Variants in ZMAT4 observed in about 807,000 individuals in gnomAD.
The protein encoded by ZMAT4 is zinc finger matrin-type protein 4.
ZMAT4 carries 17 observed loss-of-function variants against 28.7 expected under a neutral mutation model. That is an observed-to-expected ratio of 0.59 (90% CI 0.41 to 0.89). ZMAT4 has a LOEUF of 0.89. Among genes scored for constraint, ZMAT4 ranks in the 40% least tolerant of loss-of-function variants. The pLI is 0.00. For synonymous variants in ZMAT4, 117 were observed against 109.2 expected (o/e 1.07, Z -0.44); for missense variants, 240 against 283.8 (o/e 0.85, Z 1.11).
At chr8:40,862,580 A>G (rs1380170007) in intron 1 of ZMAT4, among the ~76,000 whole-genome samples, 1 of 112,860 alleles carries the variant, frequency 8.9e-6, no homozygotes, top group African/African-American at 3.5e-5. Flanking sequence ...TAAAAAAAAA[A>G]AATTAAAAAA....
In ZMAT4 at chr8:40,881,550, GAA is replaced by G. The variant is rs758320365; in HGVS notation, c.-5+16131_-5+16132del. ...AGACAGAAAGAAAGAAAGAAAGAAA[GAA>G]AGAAAGAAAGAAAGAAAGAAAGAAA... On this transcript the variant is annotated intron_variant, in intron 1 of 6. Transcript: ENST00000297737. 5.7e-3 allele frequency among the ~76,000 whole-genome samples: 445 copies of G among 78,582 alleles called. 5 individuals are homozygous for G. Among genetic ancestry groups the G allele is most frequent in the Non-Finnish European group, 8.9e-3 (335 of 37,434 alleles). The allele number at this position is 78,582 out of a possible 152,430, so 51.6% of individuals were successfully genotyped here.
At chr8:40,863,995 G>A (rs765763960) in intron 1 of ZMAT4, among the ~76,000 whole-genome samples, 5 of 152,182 alleles carry the variant, frequency 3.3e-5, no homozygotes, top group Non-Finnish European at 7.3e-5. Flanking sequence ...TATCTCCTGT[G>A]CCTCACATGG....
chr8:40,688,812 C>A (rs1055412976), intron 4 of ZMAT4, among the ~76,000 whole-genome samples: 5 of 152,210 alleles, frequency 3.3e-5, no homozygotes, highest in Admixed American at 3.3e-4. Context: ...TTCTTATAGG[C>A]TCACTTCATT....
chr8:40,864,505 T>C (rs1005878669), intron 1 of ZMAT4, among the ~76,000 whole-genome samples: 1 of 152,112 alleles, frequency 6.6e-6, no homozygotes, highest in African/African-American at 2.4e-5. Flanking sequence ...TTCTGGCAGC[T>C]AATGCAATGT....
intron 1 of ZMAT4, among the ~76,000 whole-genome samples, chr8:40,880,552 T>A (rs1391902359): frequency 2.6e-5 from 4 of 152,264 alleles, no homozygotes; most frequent in African/African-American, 7.2e-5. Context: ...ATTGTTATTG[T>A]TGGAATTCTT....
intron 2 of ZMAT4, among the ~76,000 whole-genome samples, chr8:40,795,968 T>C (rs1199692475): frequency 1.3e-5 from 2 of 152,228 alleles, no homozygotes; most frequent in Non-Finnish European, 2.9e-5. Flanking sequence ...TTCTTTGTTC[T>C]TCTTTCCCAC....
Position 40,562,595 on chromosome 8 carries a change from T to C in ZMAT4, c.674+18570A>G, listed in dbSNP as rs189426928. Among the ~76,000 whole-genome samples, 444 of 152,150 alleles carry C rather than the reference T, an allele frequency of 2.9e-3. 6 individuals carry two copies. Among genetic ancestry groups the C allele is most frequent in the African/African-American group, 9.3e-3 (388 of 41,528 alleles). On this transcript the variant is annotated intron_variant, in intron 6 of 6. Coordinates refer to ENST00000297737, the MANE Select transcript of ZMAT4 (RefSeq NM_024645.3). The stretch of plus-strand genomic sequence containing the variant: ...CATCAATGGGGCTGCTGGGGCACTC[T>C]CCCTCATACAGGGGCACACTGGTAA...
At chr8:40,889,642 T>C (rs941229334) in intron 1 of ZMAT4, among the ~76,000 whole-genome samples, 4 of 152,254 alleles carry the variant, frequency 2.6e-5, no homozygotes, top group Non-Finnish European at 5.9e-5. Flanking sequence ...TATTTACTTT[T>C]AAGTCTTTAC....
intron 6 of ZMAT4, among the ~76,000 whole-genome samples, chr8:40,572,250 T>C (rs985902865): frequency 2.6e-5 from 4 of 152,120 alleles, no homozygotes; most frequent in Non-Finnish European, 5.9e-5. Context: ...GTCTGAACAT[T>C]CATTCAAGTA....
intron 2 of ZMAT4, among the ~76,000 whole-genome samples, chr8:40,777,394 A>G (rs1483801753): frequency 6.6e-6 from 1 of 152,138 alleles, no homozygotes; most frequent in African/African-American, 2.4e-5. Flanking sequence ...TTCAGACCAT[A>G]AGGCTGAACA....
chr8:40,536,082 C>T (rs1054361624), intron 6 of ZMAT4, among the ~76,000 whole-genome samples: 3 of 152,210 alleles, frequency 2.0e-5, no homozygotes, highest in Non-Finnish European at 4.4e-5. Flanking sequence ...AAGGACATAA[C>T]ACTTTGGGCC....
chr8:40,802,445 G>T (rs1814890145), intron 2 of ZMAT4, among the ~76,000 whole-genome samples: 1 of 151,964 alleles, frequency 6.6e-6, no homozygotes, highest in Admixed American at 6.6e-5. Flanking sequence ...AGTGAAATTT[G>T]AAATCAAAAT....
intron 6 of ZMAT4, among the ~76,000 whole-genome samples, chr8:40,550,285 C>T (rs370984847): frequency 6.6e-6 from 1 of 152,104 alleles, no homozygotes; most frequent in Admixed American, 6.6e-5. Context: ...ATGCTTCCAC[C>T]TGACCATCCT....
chr8:40,671,333 G>T (rs1158080109), intron 5 of ZMAT4, among the ~76,000 whole-genome samples: 1 of 152,068 alleles, frequency 6.6e-6, no homozygotes, highest in Non-Finnish European at 1.5e-5. Context: ...ACCAAGAGAA[G>T]TAAAACATAT....
chr8:40,830,836 G>T (rs1247798172), intron 1 of ZMAT4, among the ~76,000 whole-genome samples: 1 of 152,124 alleles, frequency 6.6e-6, no homozygotes, highest in Non-Finnish European at 1.5e-5. Flanking sequence ...TGCCAACTAG[G>T]TTGTTCAGCA....
intron 5 of ZMAT4, among the ~76,000 whole-genome samples, chr8:40,632,166 G>T (rs1446714435): frequency 6.6e-6 from 1 of 152,200 alleles, no homozygotes; most frequent in Non-Finnish European, 1.5e-5. Context: ...AGTATTTGGT[G>T]CCTGAAGTCT....
At chr8:40,758,841 A>C (rs1812802486) in intron 3 of ZMAT4, among the ~76,000 whole-genome samples, 1 of 152,198 alleles carries the variant, frequency 6.6e-6, no homozygotes, top group Admixed American at 6.5e-5. Context: ...CTGGTTAAAG[A>C]CAGAACAACG....
chr8:40,852,950 C>T (rs1048766598), intron 1 of ZMAT4, among the ~76,000 whole-genome samples: 5 of 151,838 alleles, frequency 3.3e-5, no homozygotes, highest in Middle Eastern at 3.4e-3. Flanking sequence ...AATTTTATCA[C>T]GGGCAAAAAA....
intron 3 of ZMAT4, among the ~76,000 whole-genome samples, chr8:40,713,777 C>T (rs1279495000): frequency 6.6e-6 from 1 of 151,606 alleles, no homozygotes; most frequent in Non-Finnish European, 1.5e-5. Flanking sequence ...GGTGTGGTGG[C>T]AGGTCCCTGT....
Sources: allele counts gnomAD v4.1 joint callset (sites outside exome capture counted in the v4.1 genomes callset), GRCh38; gene constraint gnomAD v4.1.1; transcripts MANE v1.5; gene names NCBI Gene and HGNC (gene_info 2026-07-23, HGNC 2026-07-21).